The following CFAP299 variants were observed in gnomAD, a reference collection of about 807,000 sequenced individuals.
CFAP299 encodes cilia and flagella associated protein 299, also known as cilia- and flagella-associated protein 299.
In CFAP299, 21 loss-of-function variants were observed where a neutral mutation model predicts 27.0. The observed-to-expected ratio is 0.78, with a 90% CI of 0.55 to 1.12. The LOEUF (loss-of-function observed/expected upper bound fraction) is 1.12, where lower values mean the gene tolerates loss of function less well. Among genes scored for constraint, CFAP299 ranks in the 50% most tolerant of loss-of-function variants. The probability of loss-of-function intolerance (pLI) is 0.00; values close to 1 mark genes in which losing one functional copy is unlikely to be tolerated. For synonymous variants in CFAP299, 104 were observed against 98.1 expected, an observed-to-expected ratio of 1.06 and a Z score of -0.36; for missense variants, 310 against 276.6, an observed-to-expected ratio of 1.12 and a Z score of -0.86.
chr4:80,637,816 C>G (rs1219510632), intron 3 of CFAP299, among the ~76,000 whole-genome samples: 1 of 152,170 alleles, frequency 6.6e-6, no homozygotes, highest in African/African-American at 2.4e-5. Flanking sequence ...CATGTGCAAA[C>G]AGTAGTTCAA....
chr4:80,631,944 A>C (rs1739235540), intron 3 of CFAP299, among the ~76,000 whole-genome samples: 2 of 134,996 alleles, frequency 1.5e-5, no homozygotes, highest in African/African-American at 5.3e-5. Context: ...TTTGGGAGTT[A>C]AGTGGGTCAT....
intron 2 of CFAP299, among the ~76,000 whole-genome samples, chr4:80,459,205 A>T (rs960968312): frequency 1.6e-4 from 24 of 152,024 alleles, no homozygotes; most frequent in African/African-American, 4.3e-4. Flanking sequence ...GCCCAGGCTG[A>T]TCTTGAACTC....
At chr4:80,682,658 C>G (rs1359880298) in intron 3 of CFAP299, among the ~76,000 whole-genome samples, 1 of 152,026 alleles carries the variant, frequency 6.6e-6, no homozygotes, top group African/African-American at 2.4e-5. Flanking sequence ...GTCTCTTTCC[C>G]CAAAGTCACA....
chr4:80,805,606 G>A (rs963582174), intron 3 of CFAP299, among the ~76,000 whole-genome samples: 1 of 152,186 alleles, frequency 6.6e-6, no homozygotes, highest in African/African-American at 2.4e-5. Flanking sequence ...CACTTTGGGA[G>A]GCCAAGGCAG....
intron 3 of CFAP299, among the ~76,000 whole-genome samples, chr4:80,854,949 T>C (rs1190481380): frequency 6.6e-6 from 1 of 151,098 alleles, no homozygotes; most frequent in Non-Finnish European, 1.5e-5. Context: ...TGCTACACTG[T>C]GGAATCTAAA....
chr4:80,425,350 G>A (rs1183000888), intron 2 of CFAP299, among the ~76,000 whole-genome samples: 2 of 152,036 alleles, frequency 1.3e-5, no homozygotes, highest in Non-Finnish European at 2.9e-5. Flanking sequence ...AAATTCTTAG[G>A]TCTTGCTCCT....
intron 3 of CFAP299, among the ~76,000 whole-genome samples, chr4:80,784,765 T>C (rs1727144797): frequency 6.6e-6 from 1 of 152,032 alleles, no homozygotes; most frequent in African/African-American, 2.4e-5. Flanking sequence ...TCAGATGATC[T>C]GTGCGCCTCA....
chr4:80,413,864 G>A (rs187151241), intron 2 of CFAP299, among the ~76,000 whole-genome samples: 11 of 144,916 alleles, frequency 7.6e-5, no homozygotes, highest in African/African-American at 2.8e-4. Context: ...GTTAGAAATT[G>A]ATAAAAGTTG....
intron 2 of CFAP299, among the ~76,000 whole-genome samples, chr4:80,461,814 A>G (rs1729452817): frequency 6.6e-6 from 1 of 152,124 alleles, no homozygotes; most frequent in African/African-American, 2.4e-5. Context: ...GCACTTCACT[A>G]TGAACTTCCT....
chr4:80,665,624 TATA>T (rs1260020977), intron 3 of CFAP299, among the ~76,000 whole-genome samples: 1 of 152,252 alleles, frequency 6.6e-6, no homozygotes, highest in Non-Finnish European at 1.5e-5. Flanking sequence ...GATATTTTCA[TATA>T]ATGTTTTTGA....
chr4:80,656,427 C>A (rs545065095), intron 3 of CFAP299, among the ~76,000 whole-genome samples: 3 of 151,980 alleles, frequency 2.0e-5, no homozygotes, highest in Non-Finnish European at 2.9e-5. Context: ...TCCTTGTGTC[C>A]GTGGGTTCTC....
At chr4:80,721,981 C>T (rs758707748) in intron 3 of CFAP299, among the ~76,000 whole-genome samples, 16 of 152,110 alleles carry the variant, frequency 1.1e-4, no homozygotes, top group Middle Eastern at 3.4e-3. Flanking sequence ...TAAATTATGC[C>T]GGATAGAATC....
intron 2 of CFAP299, among the ~76,000 whole-genome samples, chr4:80,556,300 T>C (rs1734777808): frequency 6.6e-6 from 1 of 152,070 alleles, no homozygotes; most frequent in African/African-American, 2.4e-5. Flanking sequence ...GTCTCTTTTT[T>C]GAGAAGGATC....
intron 3 of CFAP299, among the ~76,000 whole-genome samples, chr4:80,719,154 G>A (rs890259117): frequency 1.3e-5 from 2 of 152,074 alleles, no homozygotes; most frequent in Admixed American, 6.5e-5. Flanking sequence ...CGTGGAGGGT[G>A]GAAGGGAAAG....
intron 4 of CFAP299, among the ~76,000 whole-genome samples, chr4:80,942,993 A>G (rs143559031): frequency 9.2e-5 from 14 of 152,336 alleles, no homozygotes; most frequent in Admixed American, 4.6e-4. Context: ...CCAATGCTAC[A>G]GAATCATCTG....
intron 4 of CFAP299, among the ~76,000 whole-genome samples, chr4:80,898,395 C>A (rs1452949074): frequency 6.6e-6 from 1 of 152,034 alleles, no homozygotes; most frequent in Non-Finnish European, 1.5e-5. Flanking sequence ...TCTCTAACAT[C>A]CAAACTTAGT....
At chr4:80,579,749 A>C (rs988416878) in intron 2 of CFAP299, among the ~76,000 whole-genome samples, 9 of 152,134 alleles carry the variant, frequency 5.9e-5, no homozygotes, top group Non-Finnish European at 1.0e-4. Context: ...TAATAAAATG[A>C]AAAACTGACC....
At chr4:80,804,697 T>C (rs2110112408) in intron 3 of CFAP299, among the ~76,000 whole-genome samples, 1 of 152,284 alleles carries the variant, frequency 6.6e-6, no homozygotes, top group South Asian at 2.1e-4. Context: ...GCTACCCTCC[T>C]CTCTTTTGGT....
chr4:80,388,008 C>T, intron 2 of CFAP299: 1 of 712,446 alleles, frequency 1.4e-6, no homozygotes, highest in Non-Finnish European at 2.5e-6. Flanking sequence ...TGGTTTGGCA[C>T]CTCCAGGGGT....
Sources: gnomAD v4.1 joint callset for allele counts (sites outside exome capture counted in the v4.1 genomes callset) on GRCh38, gnomAD v4.1.1 for gene constraint, MANE v1.5 for transcripts, NCBI Gene and HGNC (gene_info 2026-07-23, HGNC 2026-07-21) for gene names.